CNTNAP2: variants seen among roughly 807,000 people sequenced by gnomAD.
CNTNAP2 encodes contactin-associated protein-like 2.
CNTNAP2 carries 98 observed loss-of-function variants against 155.2 expected under a neutral mutation model. The observed-to-expected ratio is 0.63, with a 90% CI of 0.54 to 0.75. CNTNAP2 has a LOEUF of 0.75. Among genes scored for constraint, CNTNAP2 ranks in the 30% least tolerant of loss-of-function variants. The pLI is 0.00. For synonymous variants in CNTNAP2, 651 were observed against 631.2 expected (o/e 1.03, Z -0.47); for missense variants, 1,727 against 1,688.1 (o/e 1.02, Z -0.40).
intron 1 of CNTNAP2, among the ~76,000 whole-genome samples, chr7:146,323,104 T>C (rs558650858): frequency 1.3e-5 from 2 of 152,230 alleles, no homozygotes; most frequent in South Asian, 4.1e-4. Context: ...TTTTTGGAAA[T>C]GCCGTGTAAG....
intron 21 of CNTNAP2, among the ~76,000 whole-genome samples, chr7:148,349,407 C>CTTTTTT (rs1269143446): frequency 7.0e-6 from 1 of 143,224 alleles, no homozygotes; most frequent in Non-Finnish European, 1.5e-5. Flanking sequence ...AAAAATCTCT[C>CTTTTTT]TTTTTTTTTT....
chr7:147,715,807 T>C (rs2117021456), intron 13 of CNTNAP2, among the ~76,000 whole-genome samples: 1 of 152,326 alleles, frequency 6.6e-6, no homozygotes, highest in South Asian at 2.1e-4. Flanking sequence ...TTTCTTTTTC[T>C]AGACATTTTA....
Position 146,162,954 on chromosome 7 carries a change from C to A in CNTNAP2, c.97+45981C>A, listed in dbSNP as rs1584780790. 2.6e-5 allele frequency among the ~76,000 whole-genome samples: 4 copies of A among 151,992 alleles called. No homozygotes were observed. The East Asian group carries it at 7.7e-4, about 29-fold the overall frequency. ...TTCTCACTCATAGGTGGGAATTGAA[C>A]AATGAGAACACTTGGACACAGGGTG... On this transcript the variant is annotated intron_variant, in intron 1 of 23. Transcript: ENST00000361727.
intron 3 of CNTNAP2, among the ~76,000 whole-genome samples, chr7:146,992,775 CTTA>C (rs1273474006): frequency 5.3e-5 from 8 of 152,102 alleles, no homozygotes; most frequent in African/African-American, 9.7e-5. Context: ...TACAAAAATA[CTTA>C]TTATATAAAT....
At chr7:146,141,336 T>A (rs568398146) in intron 1 of CNTNAP2, among the ~76,000 whole-genome samples, 1 of 152,280 alleles carries the variant, frequency 6.6e-6, no homozygotes, top group East Asian at 1.9e-4. Context: ...TTCGTGTAGA[T>A]CACTATCCTT....
rs185545713 is a variant in CNTNAP2, at chr7:148,314,178, G to A, written c.3475+47052G>A. 2.6e-3 allele frequency among the ~76,000 whole-genome samples: 402 copies of A among 152,176 alleles called. 1 individual carries two copies. The highest frequency in any genetic ancestry group is 9.2e-3 in the African/African-American group (382 of 41,488). ...AAAAGGAAGATTAGAAAGACTCAGC[G>A]ACACTTGGGGTTGGGACTAAGGGGA... On this transcript the variant is annotated intron_variant, in intron 21 of 23. Transcript: ENST00000361727.
chr7:146,554,491 G>C (rs556607498), intron 1 of CNTNAP2, among the ~76,000 whole-genome samples: 1 of 152,184 alleles, frequency 6.6e-6, no homozygotes, highest in Admixed American at 6.5e-5. Context: ...TTAGCCATTT[G>C]TATGTCTTTC....
At position 146,600,288 on chromosome 7, in the gene CNTNAP2, C is replaced by T. The variant is rs1236859915; in HGVS notation, c.98-173983C>T. ...AACTCACGTACTGCAAATATGTTAT[C>T]TGCATTTTGACATTAAATTATATTG... is the stretch of plus-strand genomic sequence containing the variant. On this transcript the variant is annotated intron_variant, in intron 1 of 23. Coordinates refer to ENST00000361727, the MANE Select transcript of CNTNAP2 (RefSeq NM_014141.6). 2.0e-5 allele frequency among the ~76,000 whole-genome samples: 3 copies of T among 152,192 alleles called. No individual in the cohort carries two copies. In the East Asian group the frequency reaches 5.8e-4, roughly 29 times the overall value.
chr7:146,305,655 A>G (rs1240401149), intron 1 of CNTNAP2, among the ~76,000 whole-genome samples: 1 of 152,170 alleles, frequency 6.6e-6, no homozygotes, highest in Non-Finnish European at 1.5e-5. Context: ...TACGAGGTCC[A>G]TAACAAAATG....
chr7:147,064,752 C>A (rs757810818), intron 4 of CNTNAP2, among the ~76,000 whole-genome samples: 3 of 152,092 alleles, frequency 2.0e-5, no homozygotes, highest in African/African-American at 2.4e-5. Context: ...AATGGAAAAT[C>A]ATTCTCTCCA....
At chr7:147,586,504 C>A (rs1800623516) in intron 12 of CNTNAP2, among the ~76,000 whole-genome samples, 1 of 48,358 alleles carries the variant, frequency 2.1e-5, no homozygotes, top group African/African-American at 1.5e-4. Flanking sequence ...TAGATACACA[C>A]ACACCCACAG....
intron 14 of CNTNAP2, among the ~76,000 whole-genome samples, chr7:147,948,058 CT>C (rs1476483950): frequency 3.3e-5 from 5 of 151,824 alleles, no homozygotes; most frequent in Non-Finnish European, 5.9e-5. Flanking sequence ...AAAAAAATAC[CT>C]TAAAAATTAA....
chr7:146,198,952 A>G (rs1300538767), intron 1 of CNTNAP2, among the ~76,000 whole-genome samples: 1 of 152,176 alleles, frequency 6.6e-6, no homozygotes, highest in Non-Finnish European at 1.5e-5. Flanking sequence ...CATATACTAC[A>G]TTTCCCTAAT....
At chr7:146,512,498 C>T (rs1253596619) in intron 1 of CNTNAP2, among the ~76,000 whole-genome samples, 3 of 148,550 alleles carry the variant, frequency 2.0e-5, no homozygotes, top group African/African-American at 5.0e-5. Flanking sequence ...TACATTTTCT[C>T]TTGTTTCTTT....
intron 13 of CNTNAP2, among the ~76,000 whole-genome samples, chr7:147,899,144 A>G (rs927143842): frequency 6.6e-6 from 1 of 152,222 alleles, no homozygotes; most frequent in Admixed American, 6.5e-5. Flanking sequence ...GTTGGAGACC[A>G]GCCTAGGCAA....
chr7:147,754,933 A>C (rs999383985), intron 13 of CNTNAP2, among the ~76,000 whole-genome samples: 1 of 152,250 alleles, frequency 6.6e-6, no homozygotes, highest in Non-Finnish European at 1.5e-5. Flanking sequence ...TTAAAAATCA[A>C]AACACTGTTT....
At chr7:147,994,916 G>C (rs1801775593) in intron 15 of CNTNAP2, among the ~76,000 whole-genome samples, 1 of 152,198 alleles carries the variant, frequency 6.6e-6, no homozygotes, top group African/African-American at 2.4e-5. Flanking sequence ...AGGGGGAACT[G>C]CTATAGTTGT....
chr7:146,213,272 G>T (rs771446517), intron 1 of CNTNAP2, among the ~76,000 whole-genome samples: 3 of 152,080 alleles, frequency 2.0e-5, no homozygotes, highest in Non-Finnish European at 4.4e-5. Flanking sequence ...TTTAAATTAT[G>T]CTTCTATGGT....
At chr7:147,244,386 T>TA (rs930696741) in intron 8 of CNTNAP2, among the ~76,000 whole-genome samples, 18 of 152,220 alleles carry the variant, frequency 1.2e-4, no homozygotes, top group African/African-American at 9.6e-5. Context: ...CCCTATATGT[T>TA]AAAAAAATAT....
Sources: gnomAD v4.1 joint callset for allele counts (sites outside exome capture counted in the v4.1 genomes callset) on GRCh38, gnomAD v4.1.1 for gene constraint, MANE v1.5 for transcripts, NCBI Gene and HGNC (gene_info 2026-07-23, HGNC 2026-07-21) for gene names.